Variants in DBT observed in about 807,000 individuals in gnomAD.
The protein encoded by DBT is dihydrolipoamide branched chain transacylase E2, also known as lipoamide acyltransferase component of branched-chain alpha-keto acid dehydrogenase complex, mitochondrial.
DBT carries 40 observed loss-of-function variants against 51.3 expected under a neutral mutation model. The observed-to-expected ratio is 0.78, with a 90% CI of 0.61 to 1.02. The LOEUF (loss-of-function observed/expected upper bound fraction) is 1.02. Among genes scored for constraint, DBT ranks in the 50% least tolerant of loss-of-function variants. The probability of loss-of-function intolerance (pLI) is 0.00; values close to 1 mark genes in which losing one functional copy is unlikely to be tolerated. For synonymous variants in DBT, 181 were observed against 190.4 expected (o/e 0.95, Z 0.41); for missense variants, 510 against 580.2 (o/e 0.88, Z 1.24).
Position 100,196,124 on chromosome 1 carries a change from GT to G in DBT, c.*130del, listed in dbSNP as rs1211008342. On this transcript the variant is annotated 3_prime_UTR_variant, in exon 11 of 11. Transcript: ENST00000370132. Reference sequence around the variant, plus strand: ...GTCTAATAGAACAGTGACAAATATTGTGCCTTAGATCCTTAATCATACGATA... The same window carrying G: ...GTCTAATAGAACAGTGACAAATATTGGCCTTAGATCCTTAATCATACGATA... The G allele has an allele frequency of 4.9e-6, 4 of 819,690 alleles. No individual in the cohort carries two copies. In the Admixed American group the frequency reaches 6.5e-5, roughly 13 times the overall value. The allele number at this position is 819,690 out of a possible 1,614,324, so 50.8% of individuals were successfully genotyped here.
chr1:100,247,697 CAAAAAAAAAAA>C, intron 1 of DBT, among the ~76,000 whole-genome samples: 1 of 107,868 alleles, frequency 9.3e-6, no homozygotes, highest in African/African-American at 3.4e-5. Context: ...AGACTCTTCT[CAAAAAAAAAAA>C]AAAAAAAAAT....
chr1:100,199,502 A>G (rs1279796282), intron 10 of DBT, among the ~76,000 whole-genome samples: 2 of 152,218 alleles, frequency 1.3e-5, no homozygotes, highest in African/African-American at 2.4e-5. Flanking sequence ...GTTGATCCAT[A>G]CAGAAACAAC....
chr1:100,195,319 T>C lies in DBT; in HGVS notation c.*936A>G, dbSNP rs534781983. On this transcript the variant is annotated 3_prime_UTR_variant, in exon 11 of 11. Transcript: ENST00000370132. ...GCATTACCACAAATCTAAAACTATA[T>C]CCATTTTAAACAAACACCTTTAATA... 1 of 152,692 alleles carries C rather than the reference T, an allele frequency of 6.5e-6. No individual in the cohort carries two copies. The highest frequency in any genetic ancestry group is 1.9e-4 in the East Asian group (1 of 5,186). The allele number at this position is 152,692 out of a possible 1,614,324, so 9.5% of individuals were successfully genotyped here. A position where few individuals can be genotyped will look rare whatever the true frequency, so the allele number is the denominator to read the frequency against.
In DBT at chr1:100,186,980, A is replaced by G. The variant is rs1262120926; in HGVS notation, c.*9275T>C. 1 of 152,226 alleles carries G rather than the reference A, an allele frequency of 6.6e-6. No homozygotes were observed. The highest frequency in any genetic ancestry group is 1.9e-4 in the East Asian group (1 of 5,202). The allele number at this position is 152,226 out of a possible 1,614,324, so 9.4% of individuals were successfully genotyped here. A position where few individuals can be genotyped will look rare whatever the true frequency, so the allele number is the denominator to read the frequency against. ...TGGGAATTGGCCAGAAGTTAGAAGG[A>G]CATTGGAAATGACTTTTAAATCTCC... On this transcript the variant is annotated 3_prime_UTR_variant, in exon 11 of 11. Transcript: ENST00000370132.
In DBT at chr1:100,196,170, A is replaced by G. The variant is rs1661075015; in HGVS notation, c.*85T>C. On this transcript the variant is annotated 3_prime_UTR_variant, in exon 11 of 11. Transcript: ENST00000370132. ...ACGATACAAATCATTTACAATATAAATTGTAAAGATGAACATGTGCTGGCA... is the reference window on the plus strand; with the variant it reads ...ACGATACAAATCATTTACAATATAAGTTGTAAAGATGAACATGTGCTGGCA... The G allele has an allele frequency of 2.6e-6, 3 of 1,135,686 alleles. No individual in the cohort carries two copies. The Admixed American group carries it at 5.2e-5, about 20-fold the overall frequency. 70.4% of individuals were successfully genotyped at this position (1,135,686 alleles called of 1,614,324 possible). A position where few individuals can be genotyped will look rare whatever the true frequency, so the allele number is the denominator to read the frequency against.
chr1:100,244,844 T>A (rs895383146), intron 1 of DBT, among the ~76,000 whole-genome samples: 3 of 152,170 alleles, frequency 2.0e-5, no homozygotes, highest in Admixed American at 1.3e-4. Context: ...CAGTAGATCA[T>A]GGCTAACTGA....
intron 1 of DBT, among the ~76,000 whole-genome samples, chr1:100,247,760 A>T (rs1664632883): frequency 6.6e-6 from 1 of 151,002 alleles, no homozygotes; most frequent in African/African-American, 2.4e-5. Flanking sequence ...GAGGCTGGAG[A>T]GTCTGACCTG....
intron 7 of DBT, among the ~76,000 whole-genome samples, chr1:100,212,494 G>T (rs1662209584): frequency 6.6e-6 from 1 of 151,534 alleles, no homozygotes; most frequent in Admixed American, 6.6e-5. Context: ...CTGTGATTGT[G>T]CCACTGCACT....
chr1:100,213,264 CG>C, intron 7 of DBT: 1 of 1,319,244 alleles, frequency 7.6e-7, no homozygotes, highest in Non-Finnish European at 9.7e-7. Flanking sequence ...GCGTCCCCGC[CG>C]GGGCCGACAG....
At chr1:100,204,277 G>T (rs1661626490) in intron 10 of DBT, among the ~76,000 whole-genome samples, 1 of 152,076 alleles carries the variant, frequency 6.6e-6, no homozygotes, top group African/African-American at 2.4e-5. Flanking sequence ...AAATCAATGT[G>T]CAAAAATCAC....
rs1662452249 is a variant in DBT, at chr1:100,215,973, T to C, written c.772+10A>G. On this transcript the variant is annotated intron_variant, in intron 6 of 10. Transcript: ENST00000370132. Reference sequence around the variant, plus strand: ...CTATTGCCTTATAGTATTGTTATTATTATCATTACCTTTTATGGGTTCTGT... The same window carrying C: ...CTATTGCCTTATAGTATTGTTATTACTATCATTACCTTTTATGGGTTCTGT... The C allele has an allele frequency of 1.3e-6, 2 of 1,481,488 alleles. No homozygotes were observed. The highest frequency in any genetic ancestry group is 1.9e-6 in the Non-Finnish European group (2 of 1,059,160). 91.8% of individuals were successfully genotyped at this position (1,481,488 alleles called of 1,614,324 possible). A position where few individuals can be genotyped will look rare whatever the true frequency, so the allele number is the denominator to read the frequency against.
intron 3 of DBT, among the ~76,000 whole-genome samples, chr1:100,232,410 G>A (rs185616452): frequency 7.2e-5 from 11 of 152,026 alleles, no homozygotes; most frequent in South Asian, 2.1e-4. Context: ...AAAGTGTTGG[G>A]ATAACAGGCA....
intron 4 of DBT, among the ~76,000 whole-genome samples, chr1:100,225,205 C>G (rs1325387219): frequency 6.6e-6 from 1 of 151,324 alleles, no homozygotes; most frequent in Non-Finnish European, 1.5e-5. Context: ...CTTGGTAATG[C>G]CTCCTTTCCA....
intron 10 of DBT, among the ~76,000 whole-genome samples, chr1:100,198,708 G>C (rs1661247375): frequency 1.3e-5 from 2 of 152,176 alleles, no homozygotes; most frequent in Admixed American, 6.6e-5. Flanking sequence ...TTTGGAAATA[G>C]TGACATACTG....
chr1:100,233,934 C>A (rs7519172), intron 3 of DBT, among the ~76,000 whole-genome samples: 120,928 of 152,192 alleles, frequency 0.79, 49,420 homozygotes, highest in East Asian at 0.95. Context: ...CAGTATAAGC[C>A]TGCCAGGGCA....
chr1:100,193,075 A>G lies in DBT; in HGVS notation c.*3180T>C, dbSNP rs969923994. On this transcript the variant is annotated 3_prime_UTR_variant, in exon 11 of 11. Coordinates refer to ENST00000370132, the MANE Select transcript of DBT (RefSeq NM_001918.5). ...AATCCTGCTATCCTAAGGGCCGTGC[A>G]CACTGTAGGGAACAAATCCTTTGCT... The G allele has an allele frequency of 2.6e-5, 4 of 152,254 alleles. No individual in the cohort carries two copies. Among genetic ancestry groups the G allele is most frequent in the Admixed American group, 1.3e-4 (2 of 15,288 alleles). 9.4% of individuals were successfully genotyped at this position (152,254 alleles called of 1,614,324 possible). A position where few individuals can be genotyped will look rare whatever the true frequency, so the allele number is the denominator to read the frequency against.
rs1415263114 is a variant in DBT at position 100,188,224 on chromosome 1, T to A, written c.*8031A>T. 1 of 152,240 alleles carries A rather than the reference T, an allele frequency of 6.6e-6. No homozygotes were observed. The highest frequency in any genetic ancestry group is 1.5e-5 in the Non-Finnish European group (1 of 68,042). The allele number at this position is 152,240 out of a possible 1,614,324, so 9.4% of individuals were successfully genotyped here. On this transcript the variant is annotated 3_prime_UTR_variant, in exon 11 of 11. Coordinates refer to ENST00000370132, the MANE Select transcript of DBT (RefSeq NM_001918.5). The stretch of plus-strand genomic sequence containing the variant: ...CATTTGAATATCTAATGTTTCAAAC[T>A]GTTAGTCCTGTTCTGATTTATATTC...
intron 10 of DBT, among the ~76,000 whole-genome samples, chr1:100,205,293 A>G (rs1661695221): frequency 6.6e-6 from 1 of 152,246 alleles, no homozygotes. Context: ...AAGTGGGCGA[A>G]GGATATGAAC....
chr1:100,234,306 G>A (rs1663724331), intron 3 of DBT, among the ~76,000 whole-genome samples: 1 of 152,032 alleles, frequency 6.6e-6, no homozygotes, highest in South Asian at 2.1e-4. Flanking sequence ...TGGGTCTAGA[G>A]AATAAGAGGT....
Sources: gnomAD v4.1 joint callset for allele counts (sites outside exome capture counted in the v4.1 genomes callset) on GRCh38, gnomAD v4.1.1 for gene constraint, MANE v1.5 for transcripts, NCBI Gene and HGNC (gene_info 2026-07-23, HGNC 2026-07-21) for gene names.